ZNF600: variants seen among roughly 807,000 people sequenced by gnomAD.
The protein encoded by ZNF600 is zinc finger protein 600.
A neutral mutation model predicts 7.3 loss-of-function variants in ZNF600; 4 were observed. That is an observed-to-expected ratio of 0.55 (90% CI 0.27 to 1.25). The LOEUF is 1.25. Among genes scored for constraint, ZNF600 ranks in the 50% most tolerant of loss-of-function variants. The pLI is 0.12. For missense variants in ZNF600, 911 were observed against 922.1 expected, an observed-to-expected ratio of 0.99 and a Z score of 0.16; for synonymous variants, 290 against 308.9, an observed-to-expected ratio of 0.94 and a Z score of 0.64.
At chr19:52,786,885 G>A (rs1656940393), upstream of ZNF600, 1 of 190,032 alleles carries the variant, frequency 5.3e-6, no homozygotes, top group Non-Finnish European at 1.2e-5. Context: ...GCAGAGGGAG[G>A]GCCCGGGGCG....
At chr19:52,802,337 C>T in the ZNF600 span, among the ~76,000 whole-genome samples, 7 of 151,890 alleles carry the variant, frequency 4.6e-5, no homozygotes, top group East Asian at 1.9e-4. Context: ...CACTGCACTC[C>T]AGCCCAGGTG....
At chr19:52,792,294 C>T in the ZNF600 span, among the ~76,000 whole-genome samples, 2 of 152,124 alleles carry the variant, frequency 1.3e-5, no homozygotes, top group African/African-American at 4.8e-5. Context: ...CTTTGAGCCC[C>T]AAATCACTAA....
chr19:52,804,914 G>C, the ZNF600 span, among the ~76,000 whole-genome samples: 7 of 152,306 alleles, frequency 4.6e-5, no homozygotes, highest in East Asian at 1.4e-3. Context: ...AGGAAGTTAA[G>C]AGTCTGTACT....
chr19:52,786,489 A>C (rs2062764589), intron 1 of ZNF600, 106 bp downstream of exon 1: 1 of 152,606 alleles, frequency 6.6e-6, no homozygotes, highest in Middle Eastern at 3.4e-3. Flanking sequence ...AGCAGGAAAA[A>C]TACGCGATAG....
At chr19:52,803,131 G>A in the ZNF600 span, among the ~76,000 whole-genome samples, 1 of 152,140 alleles carries the variant, frequency 6.6e-6, no homozygotes, top group Non-Finnish European at 1.5e-5. Flanking sequence ...CCAGGCTGGA[G>A]TGCAATGGTA....
chr19:52,824,634 CA>C, the ZNF600 span, among the ~76,000 whole-genome samples: 43 of 151,116 alleles, frequency 2.8e-4, no homozygotes, highest in African/African-American at 8.7e-4. Flanking sequence ...GACTCCATCT[CA>C]AAAAAAAGAA....
the ZNF600 span, among the ~76,000 whole-genome samples, chr19:52,813,839 TTTTTG>T: frequency 6.8e-6 from 1 of 146,318 alleles, no homozygotes; most frequent in Non-Finnish European, 1.5e-5. Flanking sequence ...GTTTTTCAGT[TTTTTG>T]TTTTGTTTTG....
At chr19:52,765,894 T>G (rs1246829371) in exon 4 of ZNF600, 1 of 1,614,082 alleles carries the variant, frequency 6.2e-7, no homozygotes, top group South Asian at 1.1e-5. Flanking sequence ...TTGTGATTGT[T>G]GATTAAAAGC....
chr19:52,810,175 AGGT>A, the ZNF600 span: 1 of 972,726 alleles, frequency 1.0e-6, no homozygotes, highest in South Asian at 1.3e-5. Context: ...GGAGTCAGGG[AGGT>A]GGAGGAAGAA....
chr19:52,775,414 G>T (rs1033043874), intron 2 of ZNF600, among the ~76,000 whole-genome samples: 2 of 151,824 alleles, frequency 1.3e-5, no homozygotes, highest in Non-Finnish European at 2.9e-5. Flanking sequence ...GCTGGGTGTC[G>T]TGGTGCAGGC....
At chr19:52,772,172 A>G (rs1046487095) in intron 3 of ZNF600, among the ~76,000 whole-genome samples, 3 of 151,974 alleles carry the variant, frequency 2.0e-5, no homozygotes, top group Non-Finnish European at 4.4e-5. Context: ...AATTAGCCAG[A>G]CTTGCACCAG....
the ZNF600 span, chr19:52,810,741 A>G: frequency 1.5e-6 from 1 of 685,132 alleles, no homozygotes; most frequent in Non-Finnish European, 2.6e-6. Flanking sequence ...GAGGAAAAAA[A>G]GAGGAAAGAA....
At chr19:52,774,742 T>C (rs769425683) in intron 2 of ZNF600, 41 bp from the exon 5 acceptor site, 24 of 985,268 alleles carry the variant, frequency 2.4e-5, no homozygotes, top group East Asian at 1.1e-4. Context: ...TTATGGAGGA[T>C]TGAGTTATCA....
the ZNF600 span, chr19:52,797,865 A>G: frequency 6.6e-6 from 1 of 152,326 alleles, no homozygotes; most frequent in East Asian, 1.9e-4. Context: ...GCTCACGCCC[A>G]TAATCTCAGC....
chr19:52,772,603 CA>C (rs977919742), intron 3 of ZNF600, among the ~76,000 whole-genome samples: 5 of 152,148 alleles, frequency 3.3e-5, no homozygotes, highest in Admixed American at 2.0e-4. Context: ...AACTCCATCT[CA>C]AAAAACAAAC....
the ZNF600 span, chr19:52,807,887 G>A: frequency 6.7e-7 from 1 of 1,486,602 alleles, no homozygotes. Flanking sequence ...ACATCATGAA[G>A]CTTTTCATTT....
chr19:52,814,436 C>G, the ZNF600 span: 150 of 145,240 alleles, frequency 1.0e-3, 25 homozygotes, highest in African/African-American at 3.7e-3. Context: ...CCTAAAAATA[C>G]AAAAAAAATT....
intron 1 of ZNF600, among the ~76,000 whole-genome samples, chr19:52,779,600 T>G (rs1158086725): frequency 6.6e-6 from 1 of 151,896 alleles, no homozygotes; most frequent in East Asian, 1.9e-4. Flanking sequence ...TGAAAGGAAA[T>G]AAATCTTCGA....
chr19:52,765,600 C>T, exon 4 of ZNF600: 1 of 1,613,664 alleles, frequency 6.2e-7, no homozygotes, highest in Non-Finnish European at 8.5e-7. Context: ...GTCAAGTTTC[C>T]CTACACCATG....
Sources: gnomAD v4.1 joint callset for allele counts (sites outside exome capture counted in the v4.1 genomes callset) on GRCh38, gnomAD v4.1.1 for gene constraint, MANE v1.5 for transcripts, NCBI Gene and HGNC (gene_info 2026-07-23, HGNC 2026-07-21) for gene names.